DPP10: variants seen among roughly 807,000 people sequenced by gnomAD.
DPP10 encodes the protein dipeptidyl peptidase like 10.
In DPP10, 33 loss-of-function variants were observed where a neutral mutation model predicts 120.9. The observed-to-expected ratio is 0.27, with a 90% confidence interval of 0.21 to 0.37. The LOEUF (loss-of-function observed/expected upper bound fraction) is 0.37. Among genes scored for constraint, DPP10 ranks in the 10% least tolerant of loss-of-function variants. The pLI, the probability that DPP10 is intolerant of heterozygous loss-of-function variation, is 1.00. For missense variants in DPP10, 816 were observed against 942.8 expected (o/e 0.87, Z 1.76); for synonymous variants, 337 against 326.1 (o/e 1.03, Z -0.36).
intron 17 of DPP10, among the ~76,000 whole-genome samples, chr2:115,789,311 C>G (rs772157602): frequency 2.2e-4 from 33 of 152,044 alleles, no homozygotes; most frequent in Non-Finnish European, 4.4e-4. Flanking sequence ...TTGGGTTTAC[C>G]CAAAGATTCT....
intron 1 of DPP10, among the ~76,000 whole-genome samples, chr2:114,660,797 T>A (rs569671436): frequency 6.6e-6 from 1 of 152,334 alleles, no homozygotes; most frequent in East Asian, 1.9e-4. Flanking sequence ...GGCTCTCAAA[T>A]AATTTTAATT....
intron 5 of DPP10, among the ~76,000 whole-genome samples, chr2:115,598,503 G>A (rs540163504): frequency 1.3e-5 from 2 of 151,714 alleles, no homozygotes; most frequent in Non-Finnish European, 2.9e-5. Context: ...CCTTTATAAT[G>A]AACAATATAT....
intron 19 of DPP10, among the ~76,000 whole-genome samples, chr2:115,812,627 TATAAA>T (rs761847376): frequency 2.0e-5 from 3 of 151,970 alleles, no homozygotes; most frequent in Non-Finnish European, 2.9e-5. Context: ...AAAAAGAAAA[TATAAA>T]AGAAAAGAGA....
intron 1 of DPP10, among the ~76,000 whole-genome samples, chr2:114,603,670 A>ACGGG (rs1692554152): frequency 6.6e-6 from 1 of 152,050 alleles, no homozygotes; most frequent in Admixed American, 6.6e-5. Context: ...GATGTGGAGG[A>ACGGG]TGGGGCGGTA....
intron 3 of DPP10, among the ~76,000 whole-genome samples, chr2:115,393,703 AATTT>A (rs982911606): frequency 4.6e-5 from 7 of 152,226 alleles, no homozygotes; most frequent in Admixed American, 4.6e-4. Context: ...AGAAGGCAGA[AATTT>A]ATTTGTTTTT....
chr2:114,967,087 T>C (rs1043278071), intron 1 of DPP10, among the ~76,000 whole-genome samples: 4 of 151,912 alleles, frequency 2.6e-5, no homozygotes, highest in Middle Eastern at 3.4e-3. Flanking sequence ...AGAGAGAAAG[T>C]GGAGACAGCA....
chr2:114,627,417 C>T (rs1694596402), intron 1 of DPP10, among the ~76,000 whole-genome samples: 1 of 152,096 alleles, frequency 6.6e-6, no homozygotes, highest in South Asian at 2.1e-4. Context: ...CTTGTTAAAA[C>T]ACCCCATGCC....
chr2:114,723,070 A>G (rs1701811221), intron 1 of DPP10, among the ~76,000 whole-genome samples: 1 of 152,228 alleles, frequency 6.6e-6, no homozygotes, highest in South Asian at 2.1e-4. Flanking sequence ...GTGGGAAGTC[A>G]GACAAGTTCT....
chr2:115,357,989 G>C (rs1056038141), intron 3 of DPP10, among the ~76,000 whole-genome samples: 1 of 152,006 alleles, frequency 6.6e-6, no homozygotes, highest in Non-Finnish European at 1.5e-5. Flanking sequence ...CCTTGGACCC[G>C]ACCCAGGAAA....
intron 1 of DPP10, among the ~76,000 whole-genome samples, chr2:114,497,046 C>T (rs1468196075): frequency 6.7e-6 from 1 of 149,588 alleles, no homozygotes; most frequent in African/African-American, 2.5e-5. Flanking sequence ...CATATATATG[C>T]ATACACATAC....
rs1553502949 is a variant in DPP10, at chr2:115,766,326, GTATATATA to G, written c.1114-1967_1114-1960del. ...TGTGTGTGTGTATATATATATATAT[GTATATATA>G]TATGTATATATATATATATATCACT... On this transcript the variant is annotated intron_variant, in intron 12 of 25. Coordinates refer to ENST00000410059, the MANE Select transcript of DPP10 (RefSeq NM_020868.6). Among the ~76,000 whole-genome samples the G allele has an allele frequency of 2.6e-3, 131 of 50,320 alleles. No individual in the cohort carries two copies. The Middle Eastern group carries it at 0.054, about 21-fold the overall frequency. 33.0% of individuals were successfully genotyped at this position (50,320 alleles called of 152,430 possible).
chr2:115,379,229 A>C (rs570601658), intron 3 of DPP10, among the ~76,000 whole-genome samples: 31 of 152,180 alleles, frequency 2.0e-4, no homozygotes, highest in East Asian at 5.8e-4. Flanking sequence ...ACAATTTCAG[A>C]TCCTGTTATT....
At position 115,844,794 on chromosome 2, in the gene DPP10, CAGTATT is replaced by C. The variant is rs1690484955; in HGVS notation, c.*2451_*2456del. 6.6e-6 allele frequency: 1 copy of C among 152,128 alleles called. No homozygotes were observed. The highest frequency in any genetic ancestry group is 1.9e-4 in the East Asian group (1 of 5,190). 9.4% of individuals were successfully genotyped at this position (152,128 alleles called of 1,614,324 possible). ...TGAATTCTTTAATTAAATAGGTAAGCAGTATTAAATCATCCACAGAGATAAACAATC... is the reference window on the plus strand; with the variant it reads ...TGAATTCTTTAATTAAATAGGTAAGCAAATCATCCACAGAGATAAACAATC... On this transcript the variant is annotated 3_prime_UTR_variant, in exon 26 of 26. Transcript: ENST00000410059.
At chr2:115,183,117 G>A (rs1054457781) in intron 1 of DPP10, among the ~76,000 whole-genome samples, 12 of 152,258 alleles carry the variant, frequency 7.9e-5, no homozygotes, top group African/African-American at 2.6e-4. Context: ...GGAATAATAA[G>A]CCTTGTAGAA....
intron 3 of DPP10, among the ~76,000 whole-genome samples, chr2:115,368,320 C>T (rs992308610): frequency 4.6e-5 from 7 of 152,096 alleles, no homozygotes; most frequent in African/African-American, 1.7e-4. Context: ...ATTGTGAAAT[C>T]TCCAGGGAGT....
intron 1 of DPP10, among the ~76,000 whole-genome samples, chr2:114,985,209 T>C (rs1440751319): frequency 6.6e-6 from 1 of 152,198 alleles, no homozygotes; most frequent in Non-Finnish European, 1.5e-5. Context: ...CACTGTCTCT[T>C]GACTTTGTAC....
intron 1 of DPP10, among the ~76,000 whole-genome samples, chr2:114,993,576 G>GTATATATATATATATA (rs1395583474): frequency 4.8e-4 from 18 of 37,586 alleles, no homozygotes; most frequent in Non-Finnish European, 9.8e-4. Context: ...GTGTGTGTGT[G>GTATATATATATATATA]TGTGTATATA....
intron 3 of DPP10, among the ~76,000 whole-genome samples, chr2:115,357,801 A>G (rs1421656008): frequency 6.6e-6 from 1 of 152,184 alleles, no homozygotes; most frequent in Non-Finnish European, 1.5e-5. Context: ...AAATCTAGGC[A>G]AAGTTTCCAA....
intron 1 of DPP10, among the ~76,000 whole-genome samples, chr2:114,609,459 G>C (rs555519351): frequency 6.6e-6 from 1 of 152,086 alleles, no homozygotes; most frequent in African/African-American, 2.4e-5. Flanking sequence ...GGGGTGGGGT[G>C]GTCCCAGCGG....
Sources: allele counts gnomAD v4.1 joint callset (sites outside exome capture counted in the v4.1 genomes callset), GRCh38; gene constraint gnomAD v4.1.1; transcripts MANE v1.5; gene names NCBI Gene and HGNC (gene_info 2026-07-23, HGNC 2026-07-21).